TSC22D1: variants seen among roughly 807,000 people sequenced by gnomAD.
The protein encoded by TSC22D1 is TSC22 domain family member 1.
Under a neutral mutation model 74.2 loss-of-function variants are expected in TSC22D1, and 9 were observed. The ratio of observed to expected loss-of-function variants is 0.12; its 90% CI spans 0.07 to 0.21. The LOEUF (loss-of-function observed/expected upper bound fraction) is 0.21. TSC22D1 is among the 10% of genes least tolerant of loss of function. The pLI is 1.00. For missense variants in TSC22D1, 1,427 were observed against 1,304.7 expected, an observed-to-expected ratio of 1.09 and a Z score of -1.44; for synonymous variants, 586 against 492.5, an observed-to-expected ratio of 1.19 and a Z score of -2.51.
chr13:44,516,560 ATACCAG>A (rs935061736), intron 1 of TSC22D1, among the ~76,000 whole-genome samples: 59 of 152,282 alleles, frequency 3.9e-4, no homozygotes, highest in Admixed American at 2.4e-3. Flanking sequence ...TGACTGCATT[ATACCAG>A]TAAAGAAATA....
chr13:44,528,439 C>A (rs1026403965), intron 1 of TSC22D1, among the ~76,000 whole-genome samples: 31 of 151,986 alleles, frequency 2.0e-4, no homozygotes, highest in African/African-American at 7.0e-4. Flanking sequence ...AAATACACTT[C>A]TAAATATAAC....
At chr13:44,530,413 T>C (rs1225555606) in intron 1 of TSC22D1, among the ~76,000 whole-genome samples, 2 of 151,992 alleles carry the variant, frequency 1.3e-5, no homozygotes, top group Admixed American at 6.6e-5. Flanking sequence ...GACCAAGTCA[T>C]AGATCTAAAT....
Position 44,479,811 on chromosome 13 carries a change from C to T in TSC22D1, c.2913-43716G>A, listed in dbSNP as rs74704488. 7.0e-3 allele frequency among the ~76,000 whole-genome samples: 1,069 copies of T among 152,302 alleles called. 14 individuals are homozygous for T. The highest frequency in any genetic ancestry group is 0.024 in the African/African-American group (993 of 41,552). On this transcript the variant is annotated intron_variant, in intron 1 of 2. Coordinates refer to ENST00000458659, the MANE Select transcript of TSC22D1 (RefSeq NM_183422.4). ...AGCTTCAATTTCTGTGTATCAAATA[C>T]TCAAACCAATGAAAAATCAGGTAAA... is the stretch of plus-strand genomic sequence containing the variant.
At chr13:44,514,585 T>C (rs544889929) in intron 1 of TSC22D1, among the ~76,000 whole-genome samples, 26 of 152,034 alleles carry the variant, frequency 1.7e-4, no homozygotes, top group Non-Finnish European at 2.8e-4. Flanking sequence ...TTAGGCCAGG[T>C]ACCGTGACTC....
At chr13:44,436,997 G>A (rs970955546) in intron 1 of TSC22D1, 11 of 863,680 alleles carry the variant, frequency 1.3e-5, no homozygotes, top group South Asian at 5.5e-5. Context: ...CCCCACCTCC[G>A]CCCCCATTCT....
intron 1 of TSC22D1, among the ~76,000 whole-genome samples, chr13:44,552,322 G>C (rs763049775): frequency 1.3e-5 from 2 of 152,034 alleles, no homozygotes; most frequent in Non-Finnish European, 2.9e-5. Flanking sequence ...TTTACTTCAC[G>C]AACACCATCA....
chr13:44,535,037 A>G (rs1187580993), intron 1 of TSC22D1, among the ~76,000 whole-genome samples: 2 of 152,158 alleles, frequency 1.3e-5, no homozygotes, highest in East Asian at 3.8e-4. Flanking sequence ...ATGTCTGTGG[A>G]CATGTTTCTA....
intron 1 of TSC22D1, among the ~76,000 whole-genome samples, chr13:44,453,289 T>C (rs866632866): frequency 3.3e-4 from 3 of 9,224 alleles, no homozygotes; most frequent in East Asian, 2.3e-3. Flanking sequence ...TTCTGCTTAA[T>C]ATAACTTTTT....
intron 1 of TSC22D1, among the ~76,000 whole-genome samples, chr13:44,568,214 A>G (rs932142037): frequency 3.3e-5 from 5 of 152,230 alleles, no homozygotes; most frequent in African/African-American, 1.2e-4. Context: ...TAAAGATCCA[A>G]CACAAGACAA....
chr13:44,530,468 G>C (rs1309856460), intron 1 of TSC22D1, among the ~76,000 whole-genome samples: 1 of 125,690 alleles, frequency 8.0e-6, no homozygotes, highest in East Asian at 1.9e-4. Context: ...TATAAAACAG[G>C]GGAAAATCTA....
chr13:44,481,603 C>T (rs1255664595), intron 1 of TSC22D1, among the ~76,000 whole-genome samples: 1 of 152,184 alleles, frequency 6.6e-6, no homozygotes, highest in African/African-American at 2.4e-5. Flanking sequence ...CTACTATGCT[C>T]AGGAACAATA....
At chr13:44,488,527 C>T (rs1250018231) in intron 1 of TSC22D1, among the ~76,000 whole-genome samples, 1 of 151,820 alleles carries the variant, frequency 6.6e-6, no homozygotes, top group Non-Finnish European at 1.5e-5. Context: ...TAGTGCTATC[C>T]TAATCAGTTA....
chr13:44,555,285 G>A lies in TSC22D1; in HGVS notation c.2912+17878C>T, dbSNP rs1026676820. Among the ~76,000 whole-genome samples the A allele has an allele frequency of 4.0e-5, 6 of 151,128 alleles. No homozygotes were observed. In the East Asian group the frequency reaches 1.2e-3, roughly 29 times the overall value. ...GTGAATTTTTTTTTTTCCAGAAAAC[G>A]TAAGCAAACAACAACAACAAAAGAC... On this transcript the variant is annotated intron_variant, in intron 1 of 2. Coordinates refer to ENST00000458659, the MANE Select transcript of TSC22D1 (RefSeq NM_183422.4).
chr13:44,459,772 T>G (rs1036142295), intron 1 of TSC22D1, among the ~76,000 whole-genome samples: 1 of 152,184 alleles, frequency 6.6e-6, no homozygotes, highest in African/African-American at 2.4e-5. Context: ...ATGCCTGGTC[T>G]AGCCGCAGCC....
intron 1 of TSC22D1, among the ~76,000 whole-genome samples, chr13:44,495,246 A>G (rs1595117164): frequency 6.6e-6 from 1 of 151,870 alleles, no homozygotes; most frequent in East Asian, 1.9e-4. Flanking sequence ...CTCAGCAGAA[A>G]CTGTATGTAA....
At chr13:44,480,793 C>T (rs1878139796) in intron 1 of TSC22D1, among the ~76,000 whole-genome samples, 3 of 152,170 alleles carry the variant, frequency 2.0e-5, no homozygotes, top group African/African-American at 7.2e-5. Context: ...ACTAACCACA[C>T]TCCTTTTACA....
intron 1 of TSC22D1, among the ~76,000 whole-genome samples, chr13:44,561,829 G>A (rs1239930260): frequency 2.0e-5 from 3 of 152,114 alleles, no homozygotes; most frequent in Non-Finnish European, 4.4e-5. Flanking sequence ...AAAAGTTGAA[G>A]TAAAGGACCA....
intron 1 of TSC22D1, among the ~76,000 whole-genome samples, chr13:44,557,297 C>T (rs1882716031): frequency 6.6e-6 from 1 of 151,090 alleles, no homozygotes; most frequent in African/African-American, 2.4e-5. Flanking sequence ...CCTGTCTCTA[C>T]TAAAAATACA....
intron 1 of TSC22D1, among the ~76,000 whole-genome samples, chr13:44,559,421 T>G (rs1174449067): frequency 6.6e-6 from 1 of 152,218 alleles, no homozygotes; most frequent in Non-Finnish European, 1.5e-5. Context: ...TTTTAAAAAG[T>G]AATTTTTAAA....
Sources: gnomAD v4.1 joint callset for allele counts (sites outside exome capture counted in the v4.1 genomes callset) on GRCh38, gnomAD v4.1.1 for gene constraint, MANE v1.5 for transcripts, NCBI Gene and HGNC (gene_info 2026-07-23, HGNC 2026-07-21) for gene names.